AIG1: variants seen among roughly 807,000 people sequenced by gnomAD.
The protein encoded by AIG1 is androgen-induced gene 1 protein.
AIG1 carries 23 observed loss-of-function variants against 31.4 expected under a neutral mutation model. The ratio of observed to expected loss-of-function variants is 0.73; its 90% CI spans 0.53 to 1.04. AIG1 has a LOEUF of 1.04. Among genes scored for constraint, AIG1 ranks in the 50% least tolerant of loss-of-function variants. AIG1 has a pLI of 0.00. For synonymous variants in AIG1, 100 were observed against 110.5 expected (o/e 0.90, Z 0.60); for missense variants, 274 against 295.0 (o/e 0.93, Z 0.52).
At chr6:143,092,451 A>G (rs1779392291) in intron 1 of AIG1, among the ~76,000 whole-genome samples, 1 of 152,142 alleles carries the variant, frequency 6.6e-6, no homozygotes, top group South Asian at 2.1e-4. Flanking sequence ...TTGAAAGTCA[A>G]AATTCCCTCT....
At chr6:143,139,708 C>G (rs929434962) in intron 2 of AIG1, among the ~76,000 whole-genome samples, 1 of 152,054 alleles carries the variant, frequency 6.6e-6, no homozygotes, top group Non-Finnish European at 1.5e-5. Flanking sequence ...CTCCTCTCCT[C>G]TGTTTTAAGA....
At chr6:143,220,702 A>G (rs976478941) in intron 3 of AIG1, among the ~76,000 whole-genome samples, 7 of 152,238 alleles carry the variant, frequency 4.6e-5, no homozygotes, top group Admixed American at 3.3e-4. Context: ...TACAATGACA[A>G]TGAAAATTGT....
chr6:143,075,359 C>T (rs1393966269), intron 1 of AIG1, among the ~76,000 whole-genome samples: 3 of 151,954 alleles, frequency 2.0e-5, no homozygotes, highest in African/African-American at 7.3e-5. Flanking sequence ...ACTCTGTCAC[C>T]CAGGCTGGAG....
At chr6:143,214,108 T>C (rs1791820257) in intron 3 of AIG1, among the ~76,000 whole-genome samples, 1 of 152,230 alleles carries the variant, frequency 6.6e-6, no homozygotes, top group Admixed American at 6.5e-5. Context: ...ATACTCTTGA[T>C]AACTTGCCTC....
At chr6:143,103,508 T>TC (rs1562378783) in intron 1 of AIG1, among the ~76,000 whole-genome samples, 1 of 139,938 alleles carries the variant, frequency 7.1e-6, no homozygotes, top group East Asian at 2.1e-4. Flanking sequence ...TTTCTTTTTT[T>TC]TTTTTTTTTT....
intron 1 of AIG1, among the ~76,000 whole-genome samples, chr6:143,082,909 A>G (rs927008406): frequency 6.6e-6 from 1 of 152,226 alleles, no homozygotes; most frequent in Non-Finnish European, 1.5e-5. Context: ...CTTCTGCTTC[A>G]GGTGTCTATC....
intron 3 of AIG1, among the ~76,000 whole-genome samples, chr6:143,235,616 T>C (rs1288184235): frequency 8.6e-6 from 1 of 115,608 alleles, no homozygotes; most frequent in Non-Finnish European, 1.7e-5. Context: ...CCCTGATTCA[T>C]TTGTAGGGGA....
chr6:143,200,877 G>C (rs1790641965), intron 3 of AIG1, among the ~76,000 whole-genome samples: 1 of 151,950 alleles, frequency 6.6e-6, no homozygotes, highest in South Asian at 2.1e-4. Flanking sequence ...TCCCACAAAA[G>C]TCAACAAAGC....
At chr6:143,223,065 T>C (rs1456377367) in intron 3 of AIG1, among the ~76,000 whole-genome samples, 1 of 152,106 alleles carries the variant, frequency 6.6e-6, no homozygotes, top group Non-Finnish European at 1.5e-5. Context: ...TTTTCCAGAG[T>C]GCCATGAGAA....
chr6:143,082,986 C>T (rs1255500839), intron 1 of AIG1, among the ~76,000 whole-genome samples: 1 of 152,214 alleles, frequency 6.6e-6, no homozygotes. Context: ...GCTATTTTGC[C>T]ATACCTGTTA....
At chr6:143,321,524 G>T (rs554280399) in intron 4 of AIG1, among the ~76,000 whole-genome samples, 1 of 152,100 alleles carries the variant, frequency 6.6e-6, no homozygotes, top group South Asian at 2.1e-4. Context: ...CTTGAACCTG[G>T]GAGGCAAAGG....
chr6:143,102,582 A>AAT (rs1352818366), intron 1 of AIG1, among the ~76,000 whole-genome samples: 2 of 148,022 alleles, frequency 1.4e-5, no homozygotes, highest in Non-Finnish European at 1.5e-5. Flanking sequence ...TATATAATAT[A>AAT]ATATATATAG....
At chr6:143,215,749 A>G (rs1332927818) in intron 3 of AIG1, among the ~76,000 whole-genome samples, 1 of 152,178 alleles carries the variant, frequency 6.6e-6, no homozygotes, top group Non-Finnish European at 1.5e-5. Context: ...TGATGGCACT[A>G]TTAATCCTGT....
intron 3 of AIG1, among the ~76,000 whole-genome samples, chr6:143,208,766 C>T (rs148469473): frequency 1.0e-3 from 156 of 152,166 alleles, no homozygotes; most frequent in African/African-American, 2.8e-3. Flanking sequence ...ATATTTTCCC[C>T]CCAGCTATTC....
chr6:143,280,519 C>T lies in AIG1; in HGVS notation c.400-3591C>T, dbSNP rs1797272572. ...GGATAAGGAAAATGTGGTACCTGTA[C>T]ACCACAGAATACTATGCAGCCGTAA... On this transcript the variant is annotated intron_variant, in intron 3 of 5. Coordinates refer to ENST00000357847, the MANE Select transcript of AIG1 (RefSeq NM_016108.4). The surrounding 1 kb of genome is among the most constrained non-coding windows in gnomAD (Gnocchi z 4.1). 6.6e-6 allele frequency among the ~76,000 whole-genome samples: 1 copy of T among 152,222 alleles called. No individual in the cohort carries two copies.
chr6:143,069,635 T>C (rs968498700), intron 1 of AIG1, among the ~76,000 whole-genome samples: 1 of 152,206 alleles, frequency 6.6e-6, no homozygotes, highest in Non-Finnish European at 1.5e-5. Context: ...TTGTGAAGTT[T>C]GCCCATTTAA....
At chr6:143,172,935 G>A (rs1787776710) in intron 3 of AIG1, among the ~76,000 whole-genome samples, 1 of 151,954 alleles carries the variant, frequency 6.6e-6, no homozygotes, top group African/African-American at 2.4e-5. Flanking sequence ...TTCTAATTGA[G>A]CTTATTTGGA....
In AIG1 at chr6:143,333,247, C is replaced by T. The variant is rs775886698; in HGVS notation, c.516-35C>T. On this transcript the variant is annotated intron_variant, in intron 4 of 5. Coordinates refer to ENST00000357847, the MANE Select transcript of AIG1 (RefSeq NM_016108.4). This position sits in a 1 kb window ranked among gnomAD's most constrained non-coding sequence, Gnocchi z 4.6. ...GCTTTGATGCCTGCCATAAGAGTGA[C>T]TCCTGTCCTTGTCTCCTTTCCGATT... is the stretch of plus-strand genomic sequence containing the variant. 7 of 1,579,614 alleles carry T rather than the reference C, an allele frequency of 4.4e-6. 1 individual carries two copies. Among genetic ancestry groups the T allele is most frequent in the Middle Eastern group, 3.8e-4 (2 of 5,290 alleles).
chr6:143,068,350 A>T (rs1010771709), intron 1 of AIG1, among the ~76,000 whole-genome samples: 1 of 152,228 alleles, frequency 6.6e-6, no homozygotes, highest in Admixed American at 6.5e-5. Context: ...TTAGGATTCT[A>T]TACAACATAG....
Sources: gnomAD v4.1 joint callset for allele counts (sites outside exome capture counted in the v4.1 genomes callset) on GRCh38, gnomAD v4.1.1 for gene constraint, Gnocchi (gnomAD v3.1) non-coding constraint, MANE v1.5 for transcripts, NCBI Gene and HGNC (gene_info 2026-07-23, HGNC 2026-07-21) for gene names.